The following SRRM4 variants were observed in gnomAD, a reference collection of about 807,000 sequenced individuals.
SRRM4 encodes the protein serine/arginine repetitive matrix protein 4.
SRRM4 carries 33 observed loss-of-function variants against 68.9 expected under a neutral mutation model. The ratio of observed to expected loss-of-function variants is 0.48; its 90% CI spans 0.36 to 0.64. The LOEUF (loss-of-function observed/expected upper bound fraction) is 0.64. Ranked by LOEUF, SRRM4 falls within the 30% of genes least tolerant of loss-of-function variation. SRRM4 has a pLI of 0.00. For synonymous variants in SRRM4, 318 were observed against 318.8 expected (o/e 1.00, Z 0.03); for missense variants, 817 against 827.1 (o/e 0.99, Z 0.15).
intron 2 of SRRM4, among the ~76,000 whole-genome samples, chr12:119,109,083 C>T (rs539197624): frequency 4.6e-5 from 7 of 152,278 alleles, no homozygotes; most frequent in African/African-American, 1.7e-4. Context: ...ACTTATGAAG[C>T]CTAGTTTGGC....
At chr12:118,998,008 C>T (rs549545575) in intron 1 of SRRM4, among the ~76,000 whole-genome samples, 3 of 152,090 alleles carry the variant, frequency 2.0e-5, no homozygotes, top group East Asian at 3.9e-4. Flanking sequence ...AAAATTGTTC[C>T]CTAAGGAAAA....
chr12:119,013,205 C>T (rs1953460623), intron 1 of SRRM4, among the ~76,000 whole-genome samples: 1 of 151,938 alleles, frequency 6.6e-6, no homozygotes, highest in South Asian at 2.1e-4. Flanking sequence ...CCATTTTGCC[C>T]CTCCTGTAGC....
At position 119,159,234 on chromosome 12, in the gene SRRM4, C is replaced by T. The variant is rs1356064092; in HGVS notation, c.*2436C>T. ...AGGAGGGTCAGGCCTGTACCCCAGC[C>T]TCCTGTCCCCCAGGAACCTCACAGG... On this transcript the variant is annotated 3_prime_UTR_variant, in exon 13 of 13. Coordinates refer to ENST00000267260, the MANE Select transcript of SRRM4 (RefSeq NM_194286.4). 2.0e-5 allele frequency: 3 copies of T among 152,212 alleles called. No individual in the cohort carries two copies. The highest frequency in any genetic ancestry group is 4.4e-5 in the Non-Finnish European group (3 of 68,142). The allele number at this position is 152,212 out of a possible 1,614,324, so 9.4% of individuals were successfully genotyped here. A position where few individuals can be genotyped will look rare whatever the true frequency, so the allele number is the denominator to read the frequency against.
chr12:119,132,698 G>A (rs4073206), intron 8 of SRRM4, among the ~76,000 whole-genome samples: 25,313 of 152,078 alleles, frequency 0.17, 2,500 homozygotes, highest in Non-Finnish European at 0.21. Flanking sequence ...TGTTCTTCAT[G>A]AGCCTGGCCC....
intron 1 of SRRM4, among the ~76,000 whole-genome samples, chr12:119,016,196 T>C (rs1436646448): frequency 1.3e-5 from 2 of 151,852 alleles, no homozygotes; most frequent in African/African-American, 4.8e-5. Context: ...TTTTCTAGAG[T>C]CTTTGGGGGA....
chr12:119,009,893 C>T (rs1230912507), intron 1 of SRRM4, among the ~76,000 whole-genome samples: 2 of 152,254 alleles, frequency 1.3e-5, no homozygotes, highest in African/African-American at 2.4e-5. Context: ...GTTCCCCCTT[C>T]GACTCCTGCC....
rs1954515942 is a variant in SRRM4 at position 119,161,825 on chromosome 12, T to A, written c.*5027T>A. 6.6e-6 allele frequency: 1 copy of A among 152,180 alleles called. No individual in the cohort carries two copies. The highest frequency in any genetic ancestry group is 6.6e-5 in the Admixed American group (1 of 15,266). The allele number at this position is 152,180 out of a possible 1,614,324, so 9.4% of individuals were successfully genotyped here. On this transcript the variant is annotated 3_prime_UTR_variant, in exon 13 of 13. Transcript: ENST00000267260. Reference sequence around the variant, plus strand: ...AGGAAAACCTCATTTAGATGGAAATTAATGGAAGAATAAAATGCCTACACA... The same window carrying A: ...AGGAAAACCTCATTTAGATGGAAATAAATGGAAGAATAAAATGCCTACACA...
intron 1 of SRRM4, among the ~76,000 whole-genome samples, chr12:119,004,452 C>T (rs576269129): frequency 3.0e-4 from 46 of 152,118 alleles, no homozygotes; most frequent in Non-Finnish European, 5.7e-4. Context: ...CTGAAGGAAG[C>T]TGCTCCTGAG....
At chr12:119,017,061 T>C (rs1175831235) in intron 1 of SRRM4, among the ~76,000 whole-genome samples, 1 of 152,248 alleles carries the variant, frequency 6.6e-6, no homozygotes, top group Non-Finnish European at 1.5e-5. Context: ...CAGCAAACTT[T>C]AATATCCGCA....
At chr12:119,130,312 T>TTAGA (rs1382482385) in intron 7 of SRRM4, among the ~76,000 whole-genome samples, 2 of 146,656 alleles carry the variant, frequency 1.4e-5, no homozygotes, top group Non-Finnish European at 3.0e-5. Flanking sequence ...GGATGGATGG[T>TTAGA]TAGATGGAGG....
chr12:119,093,563 C>T (rs533632023), intron 1 of SRRM4, among the ~76,000 whole-genome samples: 28 of 152,294 alleles, frequency 1.8e-4, no homozygotes, highest in African/African-American at 5.1e-4. Context: ...TCGCCCTCCC[C>T]GGAGAAATCC....
At chr12:119,137,588 GA>G (rs1954337734) in intron 8 of SRRM4, among the ~76,000 whole-genome samples, 6 of 710 alleles carry the variant, frequency 8.5e-3, no homozygotes, top group Admixed American at 0.058. Context: ...GTTTGGAGTG[GA>G]GAGAGAGAGA....
intron 8 of SRRM4, among the ~76,000 whole-genome samples, chr12:119,133,940 G>A (rs751923738): frequency 2.0e-5 from 3 of 152,164 alleles, no homozygotes; most frequent in Non-Finnish European, 4.4e-5. Flanking sequence ...AGGGGACTGG[G>A]ATTAGGGTTA....
intron 2 of SRRM4, among the ~76,000 whole-genome samples, chr12:119,109,395 T>C (rs1343869204): frequency 6.6e-6 from 1 of 152,138 alleles, no homozygotes; most frequent in Non-Finnish European, 1.5e-5. Flanking sequence ...AAGTTCTGGA[T>C]AATATCCTGA....
At chr12:119,102,197 T>G in intron 1 of SRRM4, 39 bp from the exon 2 acceptor site, 1 of 1,575,422 alleles carries the variant, frequency 6.3e-7, no homozygotes, top group East Asian at 2.3e-5. Context: ...TGTCTCTGTA[T>G]ATTCTAACAC....
Position 119,103,422 on chromosome 12 carries a change from G to A in SRRM4, c.278+1040G>A, listed in dbSNP as rs138548413. Among the ~76,000 whole-genome samples, 180 of 152,060 alleles carry A rather than the reference G, an allele frequency of 1.2e-3. 1 individual carries two copies. Among genetic ancestry groups the A allele is most frequent in the East Asian group, 7.5e-3 (39 of 5,178 alleles). On this transcript the variant is annotated intron_variant, in intron 2 of 12. Coordinates refer to ENST00000267260, the MANE Select transcript of SRRM4 (RefSeq NM_194286.4). ...CCTCTCCCTCCATCCACCCTTTCTC[G>A]TCAAGTTGTTTCCTTCTTTGTGTTC...
At chr12:119,074,687 A>G (rs1953897696) in intron 1 of SRRM4, among the ~76,000 whole-genome samples, 1 of 152,162 alleles carries the variant, frequency 6.6e-6, no homozygotes, top group Non-Finnish European at 1.5e-5. Flanking sequence ...ATCTGAGATG[A>G]CATCGATCAA....
Position 119,120,500 on chromosome 12 carries a change from C to T in SRRM4, c.464+224C>T, listed in dbSNP as rs931390725. Reference sequence around the variant, plus strand: ...GCCAGGGGGTTGATCTTGGACCAGCCCTATCGATGTCTCGACCCCAGAATG... The same window carrying T: ...GCCAGGGGGTTGATCTTGGACCAGCTCTATCGATGTCTCGACCCCAGAATG... On this transcript the variant is annotated intron_variant, in intron 5 of 12. Coordinates refer to ENST00000267260, the MANE Select transcript of SRRM4 (RefSeq NM_194286.4). Among the ~76,000 whole-genome samples the T allele has an allele frequency of 2.7e-5, 4 of 146,672 alleles. No individual in the cohort carries two copies. In the East Asian group the frequency reaches 8.1e-4, roughly 30 times the overall value.
At chr12:119,001,322 G>A (rs754705319) in intron 1 of SRRM4, 2 of 152,176 alleles carry the variant, frequency 1.3e-5, no homozygotes, top group Non-Finnish European at 2.9e-5. Flanking sequence ...AATTTCATTG[G>A]TAAAAGCTTG....
Sources: gnomAD v4.1 joint callset for allele counts (sites outside exome capture counted in the v4.1 genomes callset) on GRCh38, gnomAD v4.1.1 for gene constraint, MANE v1.5 for transcripts, NCBI Gene and HGNC (gene_info 2026-07-23, HGNC 2026-07-21) for gene names.